Variants in NEXN observed in about 807,000 individuals in gnomAD.
NEXN encodes the protein nexilin F-actin binding protein.
Under a neutral mutation model 92.6 loss-of-function variants are expected in NEXN, and 65 were observed. That is an observed-to-expected ratio of 0.70 (90% CI 0.57 to 0.86). The LOEUF (loss-of-function observed/expected upper bound fraction) is 0.86. NEXN is among the 40% of genes least tolerant of loss of function. NEXN has a pLI of 0.00. For synonymous variants in NEXN, 254 were observed against 242.5 expected, an observed-to-expected ratio of 1.05 and a Z score of -0.44; for missense variants, 778 against 771.1, an observed-to-expected ratio of 1.01 and a Z score of -0.11.
At chr1:77,917,348 G>A (rs866721874) in intron 2 of NEXN, among the ~76,000 whole-genome samples, 1 of 152,046 alleles carries the variant, frequency 6.6e-6, no homozygotes, top group Non-Finnish European at 1.5e-5. Context: ...CTATATAACA[G>A]TGAAATTTCT....
chr1:77,929,195 A>C (rs1650095850), intron 8 of NEXN, 121 bp from the exon 9 acceptor site: 1 of 673,118 alleles, frequency 1.5e-6, no homozygotes, highest in African/African-American at 1.8e-5. Flanking sequence ...ATTTAGGTCA[A>C]GTATATTAAG....
At chr1:77,918,294 C>A in intron 5 of NEXN, 21 bp downstream of exon 5, 1 of 1,612,808 alleles carries the variant, frequency 6.2e-7, no homozygotes, top group South Asian at 1.1e-5. Flanking sequence ...AGATTAAGTT[C>A]GTATTTGTTT....
At chr1:77,890,898 A>C (rs938116072) in intron 1 of NEXN, among the ~76,000 whole-genome samples, 1 of 151,892 alleles carries the variant, frequency 6.6e-6, no homozygotes, top group East Asian at 1.9e-4. Flanking sequence ...TATGTAGGCC[A>C]CACACACACA....
intron 1 of NEXN, among the ~76,000 whole-genome samples, chr1:77,901,770 A>G (rs758234549): frequency 6.6e-6 from 1 of 152,098 alleles, no homozygotes; most frequent in South Asian, 2.1e-4. Context: ...AACATCACAG[A>G]TCTTATTATT....
rs1393903654 is a variant in NEXN, at chr1:77,926,422, T to A, written c.498T>A (p.Asp166Glu). The A allele has an allele frequency of 1.8e-5, 28 of 1,594,698 alleles. No homozygotes were observed. Among genetic ancestry groups the A allele is most frequent in the Non-Finnish European group, 2.3e-5 (27 of 1,166,730 alleles). ...TGTESASEEG[D>E]DSLLITVVPV... ...TCTATTTTATAAAATAGGAAGGAGA[T>A]GATTCACTACTTATAACTGTGGTAC... The change falls in exon 7 of 13, where the codon GAT (aspartate) becomes GAA (glutamate). Residue 166 changes from aspartate (D) to glutamate (E), a missense_variant. By Grantham distance (45) the Asp-to-Glu change is conservative. This residue lies in a region of NEXN where 236 missense variants were observed against 265.6 expected (regional missense o/e 0.89). Coordinates refer to ENST00000334785, the MANE Select transcript of NEXN (RefSeq NM_144573.4).
chr1:77,932,514 G>A (rs1046454023), intron 9 of NEXN, among the ~76,000 whole-genome samples: 1 of 152,120 alleles, frequency 6.6e-6, no homozygotes, highest in Non-Finnish European at 1.5e-5. Context: ...CACTAAGAAT[G>A]ATTTTTGCCT....
At chr1:77,906,138 GAGAA>G (rs1373474918) in intron 1 of NEXN, among the ~76,000 whole-genome samples, 1 of 152,028 alleles carries the variant, frequency 6.6e-6, no homozygotes, top group African/African-American at 2.4e-5. Flanking sequence ...AAAACAGAGG[GAGAA>G]TAGTGTTATG....
chr1:77,913,307 C>CGG (rs1648726149), intron 1 of NEXN, among the ~76,000 whole-genome samples: 1 of 151,464 alleles, frequency 6.6e-6, no homozygotes, highest in Admixed American at 6.6e-5. Flanking sequence ...CCCAGCTGCT[C>CGG]GGGAGGCTGA....
At chr1:77,910,135 A>G (rs751190640) in intron 1 of NEXN, among the ~76,000 whole-genome samples, 4 of 152,240 alleles carry the variant, frequency 2.6e-5, no homozygotes, top group Non-Finnish European at 5.9e-5. Flanking sequence ...AAAGCATTAG[A>G]TAAAATCCAA....
At chr1:77,928,996 C>A (rs1412821507) in intron 8 of NEXN, among the ~76,000 whole-genome samples, 1 of 152,188 alleles carries the variant, frequency 6.6e-6, no homozygotes, top group African/African-American at 2.4e-5. Flanking sequence ...AAGTGATCCT[C>A]CTGCCTCCTA....
At chr1:77,920,646 TG>T (rs1395145665) in intron 5 of NEXN, among the ~76,000 whole-genome samples, 40 of 85,396 alleles carry the variant, frequency 4.7e-4, no homozygotes, top group Non-Finnish European at 8.8e-4. Flanking sequence ...AAAAAAATGG[TG>T]GGGGGTGGGT....
intron 2 of NEXN, among the ~76,000 whole-genome samples, chr1:77,917,299 G>C (rs1482526920): frequency 6.6e-6 from 1 of 152,064 alleles, no homozygotes; most frequent in Non-Finnish European, 1.5e-5. Context: ...CTGGCTTTCA[G>C]CTTCAGTGGA....
intron 1 of NEXN, among the ~76,000 whole-genome samples, chr1:77,891,747 T>TAGAAAAAA (rs1647110783): frequency 7.7e-6 from 1 of 129,034 alleles, no homozygotes; most frequent in Admixed American, 8.2e-5. Context: ...GGAAAAAAAG[T>TAGAAAAAA]AAAAAAAAAA....
At chr1:77,894,334 G>A (rs1647173148) in intron 1 of NEXN, among the ~76,000 whole-genome samples, 2 of 152,154 alleles carry the variant, frequency 1.3e-5, no homozygotes, top group South Asian at 4.1e-4. Flanking sequence ...GGTGAAATAG[G>A]ATCTAATTTC....
intron 10 of NEXN, among the ~76,000 whole-genome samples, chr1:77,934,777 T>TGTA (rs1650612089): frequency 6.6e-6 from 1 of 152,224 alleles, no homozygotes; most frequent in Non-Finnish European, 1.5e-5. Flanking sequence ...GGGTCTAAGA[T>TGTA]GTAGCCTCAT....
In NEXN at chr1:77,917,567, T is replaced by G; in HGVS notation, c.29T>G (p.Ile10Ser). 6.2e-7 allele frequency: 1 copy of G among 1,608,476 alleles called. No homozygotes were observed. The change falls in exon 3 of 13, where the codon ATT becomes AGT. Residue 10 changes from isoleucine (I) to serine (S), a missense_variant and splice_region_variant. By Grantham distance (142) the Ile-to-Ser change is moderately radical. This residue lies in a region of NEXN where 236 missense variants were observed against 265.6 expected (regional missense o/e 0.89). Transcript: ENST00000334785. ...TTTTTTTATTTTCTTCTAATGAAGA[T>G]TCTGCTTTCTTCATCTAAACCTGTC... MNDISQKAE[I>S]LLSSSKPVPK... is the part of the protein sequence containing the mutation.
intron 5 of NEXN, among the ~76,000 whole-genome samples, chr1:77,923,125 C>A (rs930610510): frequency 1.4e-5 from 2 of 147,794 alleles, no homozygotes; most frequent in Non-Finnish European, 3.0e-5. Flanking sequence ...TCCATAGTAG[C>A]TGGGACTACA....
At chr1:77,917,292 G>A (rs999879608) in intron 2 of NEXN, among the ~76,000 whole-genome samples, 1 of 151,988 alleles carries the variant, frequency 6.6e-6, no homozygotes, top group African/African-American at 2.4e-5. Context: ...TATTTTACTG[G>A]CTTTCAGCTT....
In NEXN at chr1:77,925,368, A is replaced by T. The variant is rs1649763419; in HGVS notation, c.489+139A>T. ...GAAATAACAAAAAAGTATGTTTTGC[A>T]AAGCAAGAGCATACTTTTGCACTTT... On this transcript the variant is annotated intron_variant, in intron 6 of 12. Coordinates refer to ENST00000334785, the MANE Select transcript of NEXN (RefSeq NM_144573.4). 4 of 701,328 alleles carry T rather than the reference A, an allele frequency of 5.7e-6. No individual in the cohort carries two copies. The Admixed American group carries it at 9.9e-5, about 17-fold the overall frequency. The allele number at this position is 701,328 out of a possible 1,614,324, so 43.4% of individuals were successfully genotyped here.
Sources: gnomAD v4.1 joint callset for allele counts (sites outside exome capture counted in the v4.1 genomes callset) on GRCh38, gnomAD v4.1.1 for gene constraint, gnomAD v4.1.1 regional missense constraint, MANE v1.5 for transcripts, NCBI Gene and HGNC (gene_info 2026-07-23, HGNC 2026-07-21) for gene names.